LARS2: variants seen among roughly 807,000 people sequenced by gnomAD.
LARS2 encodes leucyl-tRNA synthetase 2, mitochondrial, also known as leucine--tRNA ligase, mitochondrial.
Under a neutral mutation model 116.6 loss-of-function variants are expected in LARS2, and 81 were observed. That is an observed-to-expected ratio of 0.69 (90% CI 0.58 to 0.84). LARS2 has a LOEUF of 0.84. Among genes scored for constraint, LARS2 ranks in the 40% least tolerant of loss-of-function variants. The pLI, the probability that LARS2 is intolerant of heterozygous loss-of-function variation, is 0.00. For synonymous variants in LARS2, 396 were observed against 407.2 expected, an observed-to-expected ratio of 0.97 and a Z score of 0.33; for missense variants, 968 against 1,114.5, an observed-to-expected ratio of 0.87 and a Z score of 1.87.
intron 15 of LARS2, among the ~76,000 whole-genome samples, chr3:45,505,098 CAAAGA>C (rs1373591999): frequency 1.3e-5 from 2 of 150,934 alleles, no homozygotes; most frequent in African/African-American, 4.9e-5. Context: ...AAAAAAAAAG[CAAAGA>C]AAAGAAAAAG....
At chr3:45,417,340 G>T in intron 4 of LARS2, 142 bp from the exon 5 acceptor site, 2 of 653,746 alleles carry the variant, frequency 3.1e-6, no homozygotes, top group Non-Finnish European at 5.5e-6. Context: ...GTAGCCAGCT[G>T]GCTGTCAGAT....
Position 45,391,244 on chromosome 3 carries a change from G to GGGA in LARS2, c.-87-336_-87-334dup, listed in dbSNP as rs1697941335. Among the ~76,000 whole-genome samples, 6 of 151,974 alleles carry GGGA rather than the reference G, an allele frequency of 3.9e-5. 1 individual carries two copies. In the South Asian group the frequency reaches 1.2e-3, roughly 32 times the overall value. On this transcript the variant is annotated intron_variant, in intron 1 of 21. Coordinates refer to ENST00000645846, the MANE Select transcript of LARS2 (RefSeq NM_015340.4). ...TTCACGCCTGTAATCCCAGCACTTT[G>GGGA]GGAGGCCAAGGCAGAGTGATCACGA... is the stretch of plus-strand genomic sequence containing the variant.
chr3:45,406,668 G>C (rs1209206744), intron 4 of LARS2, among the ~76,000 whole-genome samples: 1 of 152,134 alleles, frequency 6.6e-6, no homozygotes, highest in Non-Finnish European at 1.5e-5. Context: ...TATGTGAGAT[G>C]ATCACTGAGA....
At chr3:45,505,818 T>C (rs1700193374) in intron 15 of LARS2, among the ~76,000 whole-genome samples, 1 of 152,100 alleles carries the variant, frequency 6.6e-6, no homozygotes, top group South Asian at 2.1e-4. Context: ...TATGGAAGTA[T>C]TCAATCAGTA....
chr3:45,438,868 A>C (rs1477704478), intron 6 of LARS2, among the ~76,000 whole-genome samples: 1 of 151,940 alleles, frequency 6.6e-6, no homozygotes, highest in African/African-American at 2.4e-5. Context: ...AAAAACGATG[A>C]GAGGATGGAG....
At chr3:45,488,357 C>T (rs376316444) in intron 11 of LARS2, among the ~76,000 whole-genome samples, 3 of 152,140 alleles carry the variant, frequency 2.0e-5, no homozygotes, top group South Asian at 2.1e-4. Context: ...CACTTGAACC[C>T]GGGAGGCTGA....
intron 8 of LARS2, among the ~76,000 whole-genome samples, chr3:45,464,964 G>C (rs1030712582): frequency 1.3e-5 from 2 of 152,048 alleles, no homozygotes; most frequent in African/African-American, 4.8e-5. Context: ...GGTCAGACAG[G>C]GCTGAGGGTG....
intron 7 of LARS2, among the ~76,000 whole-genome samples, chr3:45,451,010 G>A (rs576901692): frequency 6.6e-6 from 1 of 151,956 alleles, no homozygotes; most frequent in Admixed American, 6.5e-5. Context: ...GTCTATATAG[G>A]TGTTTTGCCT....
At chr3:45,542,043 TAGC>T (rs1700806623) in intron 21 of LARS2, 87 bp downstream of exon 21, 1 of 1,522,712 alleles carries the variant, frequency 6.6e-7, no homozygotes. Context: ...AGAGGTCTAT[TAGC>T]AGGCCTTTCT....
intron 20 of LARS2, among the ~76,000 whole-genome samples, chr3:45,527,072 T>C (rs945751918): frequency 1.3e-5 from 2 of 151,736 alleles, no homozygotes; most frequent in Non-Finnish European, 2.9e-5. Flanking sequence ...GTAGTGAGAG[T>C]CTCAGTTGAA....
rs1430126130 is a variant in LARS2 at position 45,391,572 on chromosome 3, C to A, written c.-87-11C>A. 1 of 147,936 alleles carries A rather than the reference C, an allele frequency of 6.8e-6. No homozygotes were observed. Among genetic ancestry groups the A allele is most frequent in the African/African-American group, 2.5e-5 (1 of 40,296 alleles). 9.2% of individuals were successfully genotyped at this position (147,936 alleles called of 1,614,324 possible). A position where few individuals can be genotyped will look rare whatever the true frequency, so the allele number is the denominator to read the frequency against. On this transcript the variant is annotated splice_polypyrimidine_tract_variant and intron_variant, in intron 1 of 21. Transcript: ENST00000645846. ...AATTTATTTATTTTATTTTATTTTT[C>A]TGCTTTTCAGATCCAGACCTACAGA...
At chr3:45,505,499 A>G (rs1301536369) in intron 15 of LARS2, among the ~76,000 whole-genome samples, 2 of 151,756 alleles carry the variant, frequency 1.3e-5, no homozygotes, top group Non-Finnish European at 2.9e-5. Context: ...CAGCCTAGGC[A>G]ACGTAGTGAG....
At chr3:45,393,304 T>C (rs1246694821) in intron 2 of LARS2, among the ~76,000 whole-genome samples, 1 of 152,054 alleles carries the variant, frequency 6.6e-6, no homozygotes, top group Admixed American at 6.6e-5. Flanking sequence ...GGGCCAGGTG[T>C]GGTGGCTCAC....
intron 7 of LARS2, among the ~76,000 whole-genome samples, chr3:45,458,288 T>TTTGTACAAC (rs1327592079): frequency 6.6e-6 from 1 of 152,198 alleles, no homozygotes; most frequent in Non-Finnish European, 1.5e-5. Flanking sequence ...TAATGTGTTC[T>TTTGTACAAC]TTGTACAACT....
rs78348066 is a variant in LARS2, at chr3:45,520,335, G to T, written c.2292+39G>T. 187 of 1,541,318 alleles carry T rather than the reference G, an allele frequency of 1.2e-4. 1 individual carries two copies. In the East Asian group the frequency reaches 4.0e-3, roughly 33 times the overall value. On this transcript the variant is annotated intron_variant, in intron 19 of 21. Transcript: ENST00000645846. Reference sequence around the variant, plus strand: ...CCTCATTTGCTGGTAGCAGAGGAGGGAGGGAGAGGTGTGGCAAGGGGCCCC... The same window carrying T: ...CCTCATTTGCTGGTAGCAGAGGAGGTAGGGAGAGGTGTGGCAAGGGGCCCC...
At chr3:45,417,337 G>T (rs1231727861) in intron 4 of LARS2, 145 bp from the exon 5 acceptor site, 3 of 647,408 alleles carry the variant, frequency 4.6e-6, no homozygotes, top group Admixed American at 5.3e-5. Flanking sequence ...TAGGTAGCCA[G>T]CTGGCTGTCA....
chr3:45,416,829 C>A (rs533001684), intron 4 of LARS2, among the ~76,000 whole-genome samples: 7 of 152,276 alleles, frequency 4.6e-5, no homozygotes, highest in African/African-American at 1.4e-4. Flanking sequence ...AATCCCAGCA[C>A]TTTAGGAGGC....
chr3:45,476,375 A>T lies in LARS2; in HGVS notation c.859-93A>T. 2.4e-6 allele frequency: 3 copies of T among 1,275,738 alleles called. No individual in the cohort carries two copies. The Admixed American group carries it at 5.2e-5, about 22-fold the overall frequency. 79.0% of individuals were successfully genotyped at this position (1,275,738 alleles called of 1,614,324 possible). The stretch of plus-strand genomic sequence containing the variant: ...TCAGAGCTGTGGTCACTGTTGGGGA[A>T]TGAGGAGGGAAGGGGAAGGGGATAC... On this transcript the variant is annotated intron_variant, in intron 9 of 21. Transcript: ENST00000645846.
At chr3:45,455,034 T>A (rs1321702535) in intron 7 of LARS2, among the ~76,000 whole-genome samples, 2 of 152,100 alleles carry the variant, frequency 1.3e-5, no homozygotes, top group Non-Finnish European at 2.9e-5. Flanking sequence ...TTCTCACAGA[T>A]GATGCATCTT....
Sources: gnomAD v4.1 joint callset for allele counts (sites outside exome capture counted in the v4.1 genomes callset) on GRCh38, gnomAD v4.1.1 for gene constraint, MANE v1.5 for transcripts, NCBI Gene and HGNC (gene_info 2026-07-23, HGNC 2026-07-21) for gene names.